Variants in ASPH observed in about 807,000 individuals in gnomAD.
The protein encoded by ASPH is aspartate beta-hydroxylase.
ASPH carries 100 observed loss-of-function variants against 118.4 expected under a neutral mutation model. The observed-to-expected ratio is 0.84, with a 90% CI of 0.72 to 1.00. ASPH has a LOEUF of 1.00. Among genes scored for constraint, ASPH ranks in the 50% least tolerant of loss-of-function variants. The pLI, the probability that ASPH is intolerant of heterozygous loss-of-function variation, is 0.00. For synonymous variants in ASPH, 315 were observed against 325.6 expected (o/e 0.97, Z 0.35); for missense variants, 920 against 919.5 (o/e 1.00, Z -0.01).
At chr8:61,588,288 T>C (rs1297019556) in intron 14 of ASPH, among the ~76,000 whole-genome samples, 2 of 152,204 alleles carry the variant, frequency 1.3e-5, no homozygotes, top group Non-Finnish European at 2.9e-5. Flanking sequence ...TGCCAGGCTG[T>C]GGTTGAAATA....
intron 15 of ASPH, chr8:61,578,327 G>A (rs540730342): frequency 2.5e-4 from 406 of 1,604,782 alleles, no homozygotes; most frequent in African/African-American, 9.4e-4. Context: ...TCAGCTCCTC[G>A]AGCTTCTCCT....
chr8:61,685,443 C>T (rs1178776990), intron 1 of ASPH, among the ~76,000 whole-genome samples: 1 of 152,182 alleles, frequency 6.6e-6, no homozygotes, highest in Non-Finnish European at 1.5e-5. Flanking sequence ...AACATACTCT[C>T]ATCTCTACAG....
At chr8:61,621,745 A>C (rs563833612) in intron 13 of ASPH, among the ~76,000 whole-genome samples, 1 of 152,388 alleles carries the variant, frequency 6.6e-6, no homozygotes, top group African/African-American at 2.4e-5. Flanking sequence ...TATATTCCAT[A>C]AAATACTACT....
rs1203963786 is a variant in ASPH, at chr8:61,501,948, C to A, written c.*1411G>T. The A allele has an allele frequency of 6.6e-6, 1 of 152,084 alleles. No individual in the cohort carries two copies. The highest frequency in any genetic ancestry group is 1.5e-5 in the Non-Finnish European group (1 of 68,014). The allele number at this position is 152,084 out of a possible 1,614,324, so 9.4% of individuals were successfully genotyped here. On this transcript the variant is annotated 3_prime_UTR_variant, in exon 25 of 25. Transcript: ENST00000379454. ...TGGTGACCTATATGTGCCATTCATG[C>A]AGCATTTTTGTTCATATTGGCTTAG...
intron 13 of ASPH, chr8:61,624,705 C>G: frequency 2.0e-6 from 2 of 985,572 alleles, no homozygotes; most frequent in Non-Finnish European, 2.4e-6. Flanking sequence ...CATAATGAAT[C>G]CTCAACGTCC....
chr8:61,696,223 A>C lies in ASPH; in HGVS notation c.104-12035T>G, dbSNP rs28374092. On this transcript the variant is annotated intron_variant, in intron 1 of 24. Transcript: ENST00000379454. ...CTTGACTGTCCCTGTGTAGAAAGGCACCATGGCTGGAAGAATGACAAGGGG... is the reference window on the plus strand; with the variant it reads ...CTTGACTGTCCCTGTGTAGAAAGGCCCCATGGCTGGAAGAATGACAAGGGG... Among the ~76,000 whole-genome samples the C allele has an allele frequency of 5.5e-3, 840 of 152,322 alleles. 9 individuals carry two copies. The highest frequency in any genetic ancestry group is 0.019 in the African/African-American group (789 of 41,582).
At chr8:61,664,762 G>C in intron 3 of ASPH, 3 of 986,430 alleles carry the variant, frequency 3.0e-6, no homozygotes. Context: ...GGAGAGGAGG[G>C]AAGGTGGTGG....
chr8:61,579,416 G>A, intron 15 of ASPH: 1 of 1,613,154 alleles, frequency 6.2e-7, no homozygotes, highest in Admixed American at 1.7e-5. Flanking sequence ...AGGGCAAAGA[G>A]AGCCGGCTGA....
In ASPH at chr8:61,646,816, C is replaced by T. The variant is rs1243759810; in HGVS notation, c.553G>A (p.Glu185Lys). The T allele has an allele frequency of 6.2e-7, 1 of 1,613,858 alleles. No individual in the cohort carries two copies. Among genetic ancestry groups the T allele is most frequent in the Non-Finnish European group, 8.5e-7 (1 of 1,179,878 alleles). ...PTGEPQQEDD[E>K]FLMATDVDDR... ...TCTACATCAGTCGCCATAAGAAACT[C>T]ATCATCCTCTTGTTGTGGTTCTCCT... Residue 185 changes from glutamate to lysine, a missense_variant, in exon 6 of 25, where the codon GAG becomes AAG. Glu to Lys is a moderately conservative substitution (Grantham distance 56, BLOSUM62 1). Transcript: ENST00000379454.
In ASPH at chr8:61,691,215, A is replaced by T. The variant is rs563788506; in HGVS notation, c.104-7027T>A. Among the ~76,000 whole-genome samples the T allele has an allele frequency of 3.3e-5, 5 of 152,318 alleles. No homozygotes were observed. In the South Asian group the frequency reaches 8.3e-4, roughly 25 times the overall value. On this transcript the variant is annotated intron_variant, in intron 1 of 24. Transcript: ENST00000379454. Reference sequence around the variant, plus strand: ...TGTGCCTAGTCTCAAAGGGAAGATCAGTTTCTGTCCAGTGAAACTATTGAA... The same window carrying T: ...TGTGCCTAGTCTCAAAGGGAAGATCTGTTTCTGTCCAGTGAAACTATTGAA...
chr8:61,678,623 T>C (rs1385104355), intron 3 of ASPH, among the ~76,000 whole-genome samples: 1 of 152,062 alleles, frequency 6.6e-6, no homozygotes, highest in Non-Finnish European at 1.5e-5. Context: ...GATTTAGATA[T>C]ATGCAGATTT....
chr8:61,647,386 T>C (rs1046063969), intron 5 of ASPH, among the ~76,000 whole-genome samples: 1 of 152,178 alleles, frequency 6.6e-6, no homozygotes, highest in Non-Finnish European at 1.5e-5. Flanking sequence ...AATTATATGC[T>C]AGGGCCAGGC....
chr8:61,626,049 T>C (rs142614209), intron 13 of ASPH: 4 of 1,233,730 alleles, frequency 3.2e-6, no homozygotes, highest in East Asian at 3.2e-5. Context: ...AAAAGGGACA[T>C]GCAGGAATGT....
At chr8:61,516,800 T>C (rs1811082603) in intron 24 of ASPH, among the ~76,000 whole-genome samples, 1 of 152,180 alleles carries the variant, frequency 6.6e-6, no homozygotes. Context: ...AGAGCAAGTA[T>C]GGTTTGTTCA....
chr8:61,659,050 C>A (rs367711362), intron 3 of ASPH: 1 of 152,480 alleles, frequency 6.6e-6, no homozygotes, highest in African/African-American at 2.4e-5. Context: ...GAGGTGATGA[C>A]TGGGCTGGGT....
chr8:61,624,439 T>G, intron 13 of ASPH: 1 of 983,482 alleles, frequency 1.0e-6, no homozygotes. Context: ...TTATCAAAAA[T>G]GCTATAATCT....
chr8:61,714,024 C>A lies in ASPH; in HGVS notation c.103+245G>T, dbSNP rs73271212. Among the ~76,000 whole-genome samples, 7,421 of 152,332 alleles carry A rather than the reference C, an allele frequency of 0.049. 263 individuals are homozygous for A. The highest frequency in any genetic ancestry group is 0.097 in the African/African-American group (4,025 of 41,580). ...GGCTGCGCCCTGCAGGTGAAGGAAC[C>A]GCTGGGAAGGGGCTCCCCGAGACTA... On this transcript the variant is annotated intron_variant, in intron 1 of 24. Transcript: ENST00000379454.
chr8:61,646,674 G>A (rs1159738213), intron 6 of ASPH, 76 bp downstream of exon 6: 19 of 1,409,544 alleles, frequency 1.3e-5, no homozygotes, highest in Admixed American at 1.2e-4. Context: ...AGTTTTAAAG[G>A]GGTTTAAGAA....
intron 16 of ASPH, among the ~76,000 whole-genome samples, chr8:61,573,330 A>G (rs1048352638): frequency 6.6e-6 from 1 of 152,312 alleles, no homozygotes; most frequent in Non-Finnish European, 1.5e-5. Flanking sequence ...TCAAGCTACA[A>G]TTGACTTTCT....
Sources: gnomAD v4.1 joint callset for allele counts (sites outside exome capture counted in the v4.1 genomes callset) on GRCh38, gnomAD v4.1.1 for gene constraint, MANE v1.5 for transcripts, NCBI Gene and HGNC (gene_info 2026-07-23, HGNC 2026-07-21) for gene names.